UGT2A2: variants seen among roughly 807,000 people sequenced by gnomAD.
The protein encoded by UGT2A2 is UDP glucuronosyltransferase family 2 member A2.
Under a neutral mutation model 50.7 loss-of-function variants are expected in UGT2A2, and 60 were observed. That is an observed-to-expected ratio of 1.18 (90% CI 0.96 to 1.47). The LOEUF (loss-of-function observed/expected upper bound fraction) is 1.47. Among genes scored for constraint, UGT2A2 ranks in the 40% most tolerant of loss-of-function variants. UGT2A2 has a pLI of 0.00. For missense variants in UGT2A2, 762 were observed against 634.0 expected, an observed-to-expected ratio of 1.20 and a Z score of -2.17; for synonymous variants, 242 against 214.6, an observed-to-expected ratio of 1.13 and a Z score of -1.11.
rs997962433 is a variant in UGT2A2 at position 69,629,695 on chromosome 4, G to A, written c.742+9204C>T. ...TAAATAAATCCTGTACAACTCTACT[G>A]GAAGAGGACCCCTGCAAGCTTGCAA... is the stretch of plus-strand genomic sequence containing the variant. On this transcript the variant is annotated intron_variant, in intron 1 of 5. Coordinates refer to ENST00000604629, the MANE Select transcript of UGT2A2 (RefSeq NM_001105677.2). Among the ~76,000 whole-genome samples the A allele has an allele frequency of 2.0e-5, 3 of 152,092 alleles. No homozygotes were observed. In the South Asian group the frequency reaches 6.3e-4, roughly 32 times the overall value.
intron 1 of UGT2A2, among the ~76,000 whole-genome samples, chr4:69,620,904 G>T (rs1214840028): frequency 6.6e-6 from 1 of 151,862 alleles, no homozygotes; most frequent in Non-Finnish European, 1.5e-5. Flanking sequence ...AATAAGAAAA[G>T]GATTCCCTAT....
chr4:69,612,917 A>AC (rs1720153349), intron 1 of UGT2A2, among the ~76,000 whole-genome samples: 1 of 151,540 alleles, frequency 6.6e-6, no homozygotes, highest in South Asian at 2.1e-4. Context: ...GAAAAAAAAA[A>AC]AAACTATCCA....
chr4:69,634,159 G>A (rs1353032066), intron 1 of UGT2A2, among the ~76,000 whole-genome samples: 2 of 151,942 alleles, frequency 1.3e-5, no homozygotes, highest in Non-Finnish European at 2.9e-5. Flanking sequence ...GCAGGAGAAT[G>A]GCGTGAACCC....
chr4:69,594,230 T>A (rs917204000), intron 5 of UGT2A2, among the ~76,000 whole-genome samples: 8 of 152,082 alleles, frequency 5.3e-5, no homozygotes, highest in African/African-American at 1.9e-4. Flanking sequence ...ACCCTCAGCC[T>A]CCCAAAGTGC....
At chr4:69,592,429 G>A (rs1288853441) in intron 5 of UGT2A2, among the ~76,000 whole-genome samples, 1 of 152,048 alleles carries the variant, frequency 6.6e-6, no homozygotes, top group African/African-American at 2.4e-5. Context: ...ATTGCATATA[G>A]TCCAAAGAAG....
At position 69,595,269 on chromosome 4, in the gene UGT2A2, A is replaced by G; in HGVS notation, c.1024-20T>C. 1 of 1,612,440 alleles carries G rather than the reference A, an allele frequency of 6.2e-7. No homozygotes were observed. Among genetic ancestry groups the G allele is most frequent in the Non-Finnish European group, 8.5e-7 (1 of 1,179,368 alleles). On this transcript the variant is annotated intron_variant, in intron 3 of 5. Transcript: ENST00000604629. The stretch of plus-strand genomic sequence containing the variant: ...TAAAACCTGTGGAAAATGGTGCTTT[A>G]ATTTTGCAAGGAAAAACACAATGAG...
intron 3 of UGT2A2, 87 bp from the exon 4 acceptor site, chr4:69,595,336 A>AG: frequency 6.7e-7 from 1 of 1,484,082 alleles, no homozygotes; most frequent in Non-Finnish European, 9.3e-7. Context: ...TCATTTAGCC[A>AG]GCTACTTGGA....
chr4:69,611,689 C>CT (rs778478786), intron 1 of UGT2A2, among the ~76,000 whole-genome samples: 3 of 152,028 alleles, frequency 2.0e-5, no homozygotes, highest in Non-Finnish European at 4.4e-5. Flanking sequence ...AAATTGTTCC[C>CT]TTTACAAATC....
Position 69,639,569 on chromosome 4 carries a change from A to C in UGT2A2, c.72T>G (p.Thr24=), listed in dbSNP as rs1233413714. The C allele has an allele frequency of 7.4e-6, 12 of 1,610,928 alleles. No individual in the cohort carries two copies. Among genetic ancestry groups the C allele is most frequent in the Non-Finnish European group, 8.5e-6 (10 of 1,178,896 alleles). ...VQMLVFNLTL[T]EVVLSGNVLI... ...ACACATTCCCACTTAGAACAACTTC[A>C]GTCAGAGTCAAATTAAAAACCAGCA... is the stretch of plus-strand genomic sequence containing the variant. Residue 24 remains threonine, a synonymous_variant, in exon 1 of 6, where the codon ACT becomes ACG. Coordinates refer to ENST00000604629, the MANE Select transcript of UGT2A2 (RefSeq NM_001105677.2).
At position 69,625,946 on chromosome 4, in the gene UGT2A2, AAG is replaced by A. The variant is rs1483991073; in HGVS notation, c.742+12951_742+12952del. The stretch of plus-strand genomic sequence containing the variant: ...AGAATTGCAACACAAACTATCATCG[AAG>A]AGTTATCTTAAAGATACTCAATAAC... On this transcript the variant is annotated intron_variant, in intron 1 of 5. Transcript: ENST00000604629. 4.6e-5 allele frequency among the ~76,000 whole-genome samples: 7 copies of A among 151,752 alleles called. No individual in the cohort carries two copies. In the East Asian group the frequency reaches 1.4e-3, roughly 29 times the overall value.
At chr4:69,620,334 C>A (rs775806234) in intron 1 of UGT2A2, among the ~76,000 whole-genome samples, 1 of 151,814 alleles carries the variant, frequency 6.6e-6, no homozygotes, top group Non-Finnish European at 1.5e-5. Context: ...TCCTATACAC[C>A]AACAGCGAAG....
intron 1 of UGT2A2, among the ~76,000 whole-genome samples, chr4:69,605,135 A>T (rs1398128683): frequency 2.2e-5 from 3 of 136,838 alleles, no homozygotes; most frequent in Admixed American, 7.2e-5. Context: ...TCAGCACCAC[A>T]CCGCACTTAT....
At chr4:69,599,636 GGAGA>G (rs1316290677) in intron 1 of UGT2A2, 2 of 406,130 alleles carry the variant, frequency 4.9e-6, no homozygotes, top group Non-Finnish European at 4.2e-6. Context: ...AAGCAGGGAG[GGAGA>G]GAGAGGAAAG....
At chr4:69,630,552 A>G (rs1451268877) in intron 1 of UGT2A2, among the ~76,000 whole-genome samples, 1 of 152,144 alleles carries the variant, frequency 6.6e-6, no homozygotes, top group Non-Finnish European at 1.5e-5. Flanking sequence ...ATCACTGTGA[A>G]TATCAATACT....
At chr4:69,595,048 A>G in intron 4 of UGT2A2, 114 bp downstream of exon 4, 2 of 1,369,352 alleles carry the variant, frequency 1.5e-6, no homozygotes, top group Admixed American at 2.0e-5. Context: ...TTTAAAATTG[A>G]GTGTCAAATA....
At chr4:69,636,824 C>A (rs183653054) in intron 1 of UGT2A2, among the ~76,000 whole-genome samples, 1 of 152,024 alleles carries the variant, frequency 6.6e-6, no homozygotes, top group Non-Finnish European at 1.5e-5. Flanking sequence ...ATCCTCCTAA[C>A]GAATATAGTG....
chr4:69,621,118 A>C (rs1720730849), intron 1 of UGT2A2, among the ~76,000 whole-genome samples: 1 of 152,088 alleles, frequency 6.6e-6, no homozygotes, highest in African/African-American at 2.4e-5. Context: ...AGATGCCGAA[A>C]GCAATCACAA....
intron 1 of UGT2A2, among the ~76,000 whole-genome samples, chr4:69,618,187 ATGTGTGTGTGTG>A (rs72430246): frequency 6.9e-6 from 1 of 144,358 alleles, no homozygotes; most frequent in African/African-American, 2.6e-5. Flanking sequence ...GCCAGTAAGC[ATGTGTGTGTGTG>A]TGTGTGTGTG....
intron 1 of UGT2A2, among the ~76,000 whole-genome samples, chr4:69,633,023 T>C (rs1463739394): frequency 1.3e-5 from 2 of 151,980 alleles, no homozygotes; most frequent in Non-Finnish European, 2.9e-5. Flanking sequence ...GTTGAAATGA[T>C]AAGAGGATGT....
Sources: allele counts gnomAD v4.1 joint callset (sites outside exome capture counted in the v4.1 genomes callset), GRCh38; gene constraint gnomAD v4.1.1; transcripts MANE v1.5; gene names NCBI Gene and HGNC (gene_info 2026-07-23, HGNC 2026-07-21).